The following SPAG16 variants were observed in gnomAD, a reference collection of about 807,000 sequenced individuals.
SPAG16 encodes the protein sperm-associated antigen 16 protein.
SPAG16 carries 86 observed loss-of-function variants against 80.4 expected under a neutral mutation model. The observed-to-expected ratio is 1.07, with a 90% CI of 0.90 to 1.28. The LOEUF (loss-of-function observed/expected upper bound fraction) is 1.28, where lower values mean the gene tolerates loss of function less well. Ranked by LOEUF, SPAG16 falls within the 50% of genes most tolerant of loss-of-function variation. The probability of loss-of-function intolerance (pLI) is 0.00; values close to 1 mark genes in which losing one functional copy is unlikely to be tolerated. For synonymous variants in SPAG16, 294 were observed against 265.9 expected (o/e 1.11, Z -1.03); for missense variants, 870 against 765.3 (o/e 1.14, Z -1.61).
At chr2:213,517,886 T>G (rs949648890) in intron 10 of SPAG16, among the ~76,000 whole-genome samples, 3 of 152,194 alleles carry the variant, frequency 2.0e-5, no homozygotes, top group African/African-American at 7.2e-5. Flanking sequence ...CTTCTTGAGA[T>G]GGGCCTTGGC....
chr2:213,306,285 C>T (rs1575139016), intron 3 of SPAG16, among the ~76,000 whole-genome samples: 1 of 109,896 alleles, frequency 9.1e-6, no homozygotes, highest in East Asian at 2.8e-4. Context: ...AAAAAACCAA[C>T]ATTTGTTTTA....
chr2:213,728,370 G>A (rs2066869929), intron 10 of SPAG16, among the ~76,000 whole-genome samples: 1 of 152,038 alleles, frequency 6.6e-6, no homozygotes, highest in African/African-American at 2.4e-5. Context: ...AAAAGCACTT[G>A]AGCAGCAGTG....
At position 214,250,757 on chromosome 2, in the gene SPAG16, T is replaced by TAGAG. The variant is rs1171199832; in HGVS notation, c.1720+101520_1720+101523dup. On this transcript the variant is annotated intron_variant, in intron 15 of 15. Coordinates refer to ENST00000331683, the MANE Select transcript of SPAG16 (RefSeq NM_024532.5). ...AGATATATATATATATATATATATA[T>TAGAG]AGAGAGAGAGAGAGAGAGAGAGAGA... Among the ~76,000 whole-genome samples the TAGAG allele has an allele frequency of 8.5e-3, 775 of 91,214 alleles. 7 individuals carry two copies. Among genetic ancestry groups the TAGAG allele is most frequent in the African/African-American group, 0.019 (457 of 24,616 alleles). The allele number at this position is 91,214 out of a possible 152,430, so 59.8% of individuals were successfully genotyped here.
chr2:213,434,523 T>A (rs2070506323), intron 9 of SPAG16, among the ~76,000 whole-genome samples: 1 of 152,076 alleles, frequency 6.6e-6, no homozygotes, highest in Non-Finnish European at 1.5e-5. Context: ...ATTAACAGAG[T>A]TAACAGACAA....
intron 7 of SPAG16, among the ~76,000 whole-genome samples, chr2:213,358,811 G>T (rs908877501): frequency 2.0e-5 from 3 of 152,202 alleles, no homozygotes; most frequent in Non-Finnish European, 4.4e-5. Flanking sequence ...CTGGTGAGGA[G>T]TTGTGATCCT....
intron 10 of SPAG16, among the ~76,000 whole-genome samples, chr2:213,786,527 T>C (rs943619047): frequency 6.6e-6 from 1 of 152,212 alleles, no homozygotes; most frequent in African/African-American, 2.4e-5. Context: ...AACTTATAAT[T>C]ATTTGCTATC....
intron 15 of SPAG16, among the ~76,000 whole-genome samples, chr2:214,181,948 C>G (rs538186829): frequency 6.6e-6 from 1 of 151,852 alleles, no homozygotes; most frequent in East Asian, 1.9e-4. Flanking sequence ...CAGCCACCAC[C>G]AGCACACACA....
At chr2:214,023,051 T>A (rs2047956408) in intron 13 of SPAG16, among the ~76,000 whole-genome samples, 1 of 152,020 alleles carries the variant, frequency 6.6e-6, no homozygotes, top group Non-Finnish European at 1.5e-5. Flanking sequence ...CATAATTTAA[T>A]ATTCCCCGTT....
intron 15 of SPAG16, among the ~76,000 whole-genome samples, chr2:214,162,634 C>T (rs1363980786): frequency 6.6e-6 from 1 of 152,110 alleles, no homozygotes; most frequent in African/African-American, 2.4e-5. Flanking sequence ...CCAATAGACA[C>T]ATCATTTTCT....
intron 12 of SPAG16, among the ~76,000 whole-genome samples, chr2:213,957,722 A>G (rs554552843): frequency 1.1e-3 from 166 of 152,200 alleles, no homozygotes; most frequent in African/African-American, 3.9e-3. Flanking sequence ...TTAGTAGTGA[A>G]ATGTTTCAAT....
chr2:213,955,949 TTTTTATTTATTATTTA>T (rs1284646309), intron 12 of SPAG16, among the ~76,000 whole-genome samples: 19 of 151,828 alleles, frequency 1.3e-4, no homozygotes, highest in African/African-American at 4.3e-4. Flanking sequence ...CAATTTTTGG[TTTTTATTTATTATTTA>T]TTTATTTATT....
At chr2:213,975,907 G>C (rs1045835053) in intron 12 of SPAG16, among the ~76,000 whole-genome samples, 5 of 151,628 alleles carry the variant, frequency 3.3e-5, no homozygotes, top group African/African-American at 1.2e-4. Flanking sequence ...CTGGTTAACG[G>C]GTTCTTGTGA....
At chr2:214,330,492 C>G (rs1696838225) in intron 15 of SPAG16, among the ~76,000 whole-genome samples, 1 of 152,144 alleles carries the variant, frequency 6.6e-6, no homozygotes, top group South Asian at 2.1e-4. Context: ...TTAGAAAGTG[C>G]TCTTGGGAAC....
intron 11 of SPAG16, among the ~76,000 whole-genome samples, chr2:213,915,012 C>T (rs746069483): frequency 2.4e-4 from 37 of 152,086 alleles, no homozygotes; most frequent in Non-Finnish European, 4.3e-4. Flanking sequence ...TTTAATGACT[C>T]ACAGTTCCAC....
chr2:213,413,671 G>T (rs2069107949), intron 9 of SPAG16, among the ~76,000 whole-genome samples: 1 of 152,134 alleles, frequency 6.6e-6, no homozygotes, highest in Non-Finnish European at 1.5e-5. Context: ...TAGATTTGGT[G>T]AATTAACAAA....
At chr2:213,501,876 T>C (rs545964144) in intron 10 of SPAG16, among the ~76,000 whole-genome samples, 4 of 152,306 alleles carry the variant, frequency 2.6e-5, no homozygotes, top group Admixed American at 6.5e-5. Context: ...TGCTATTTAC[T>C]TATTTTTCTT....
At chr2:214,016,946 G>T (rs1039886014) in intron 13 of SPAG16, among the ~76,000 whole-genome samples, 1 of 152,098 alleles carries the variant, frequency 6.6e-6, no homozygotes, top group African/African-American at 2.4e-5. Flanking sequence ...TATGGTAATG[G>T]ACATGCAGAT....
intron 10 of SPAG16, among the ~76,000 whole-genome samples, chr2:213,690,580 G>A (rs182066627): frequency 5.3e-5 from 8 of 152,312 alleles, no homozygotes; most frequent in Admixed American, 5.2e-4. Flanking sequence ...AGAGGAGACT[G>A]ATATTTGAGT....
intron 9 of SPAG16, among the ~76,000 whole-genome samples, chr2:213,376,098 G>A (rs1233267274): frequency 6.6e-6 from 1 of 151,148 alleles, no homozygotes; most frequent in Non-Finnish European, 1.5e-5. Flanking sequence ...TTATAATCTT[G>A]TGCTTTTTCA....
Sources: allele counts gnomAD v4.1 joint callset (sites outside exome capture counted in the v4.1 genomes callset), GRCh38; gene constraint gnomAD v4.1.1; transcripts MANE v1.5; gene names NCBI Gene and HGNC (gene_info 2026-07-23, HGNC 2026-07-21).